The following DPY19L1 variants were observed in gnomAD, a reference collection of about 807,000 sequenced individuals.
The protein encoded by DPY19L1 is dpy-19 like C-mannosyltransferase 1.
In DPY19L1, 35 loss-of-function variants were observed where a neutral mutation model predicts 96.9. The ratio of observed to expected loss-of-function variants is 0.36; its 90% CI spans 0.28 to 0.48. DPY19L1 has a LOEUF of 0.48. Ranked by LOEUF, DPY19L1 falls within the 20% of genes least tolerant of loss-of-function variation. The pLI is 0.99. For missense variants in DPY19L1, 521 were observed against 777.9 expected (o/e 0.67, Z 3.93); for synonymous variants, 205 against 252.6 (o/e 0.81, Z 1.79).
At chr7:34,943,614 A>G (rs1254133361) in intron 16 of DPY19L1, among the ~76,000 whole-genome samples, 1 of 152,308 alleles carries the variant, frequency 6.6e-6, no homozygotes, top group African/African-American at 2.4e-5. Context: ...TTTGGTAGCT[A>G]TGCAAAATAA....
At chr7:34,953,311 T>A (rs1163314666) in intron 13 of DPY19L1, among the ~76,000 whole-genome samples, 1 of 152,226 alleles carries the variant, frequency 6.6e-6, no homozygotes, top group Non-Finnish European at 1.5e-5. Flanking sequence ...GCATCTTTTT[T>A]GGCCCTGCAT....
chr7:34,994,733 G>A (rs1785246178), intron 6 of DPY19L1, among the ~76,000 whole-genome samples: 1 of 151,966 alleles, frequency 6.6e-6, no homozygotes, highest in African/African-American at 2.4e-5. Context: ...GAACCCAGGA[G>A]GTGGAGCTTG....
intron 1 of DPY19L1, among the ~76,000 whole-genome samples, chr7:35,031,056 C>T (rs1786248385): frequency 6.6e-6 from 1 of 152,104 alleles, no homozygotes; most frequent in Non-Finnish European, 1.5e-5. Flanking sequence ...ACTAGCAAAA[C>T]AGGAATTTAG....
intron 6 of DPY19L1, among the ~76,000 whole-genome samples, chr7:34,992,543 CTTTTT>C (rs34687334): frequency 1.5e-5 from 2 of 133,842 alleles, no homozygotes; most frequent in African/African-American, 2.8e-5. Context: ...ACCTTCCTGC[CTTTTT>C]TTTTTTTTTT....
At chr7:34,999,457 T>TA (rs1785371649) in intron 6 of DPY19L1, among the ~76,000 whole-genome samples, 1 of 152,218 alleles carries the variant, frequency 6.6e-6, no homozygotes, top group African/African-American at 2.4e-5. Flanking sequence ...TACCTGAGGA[T>TA]ATGATCCTCA....
intron 7 of DPY19L1, among the ~76,000 whole-genome samples, chr7:34,982,121 T>C (rs1784952099): frequency 6.6e-6 from 1 of 152,084 alleles, no homozygotes; most frequent in South Asian, 2.1e-4. Flanking sequence ...CCAAATAAAA[T>C]GACAACTAAA....
intron 6 of DPY19L1, among the ~76,000 whole-genome samples, chr7:34,992,674 G>A (rs1785198912): frequency 6.6e-6 from 1 of 151,692 alleles, no homozygotes; most frequent in Admixed American, 6.6e-5. Flanking sequence ...AGCCTCCAGA[G>A]TAGCTGAAAC....
intron 1 of DPY19L1, among the ~76,000 whole-genome samples, chr7:35,027,119 G>A (rs141308448): frequency 0.022 from 3,317 of 152,088 alleles, 49 homozygotes; most frequent in Middle Eastern, 0.031. Flanking sequence ...CAGAAGAAAC[G>A]CTTGAATCCA....
At chr7:34,999,008 T>C (rs1198443452) in intron 6 of DPY19L1, among the ~76,000 whole-genome samples, 1 of 152,016 alleles carries the variant, frequency 6.6e-6, no homozygotes, top group African/African-American at 2.4e-5. Context: ...CAATATCCAA[T>C]CACTAACTTT....
At chr7:35,003,201 A>G (rs1023768024) in intron 6 of DPY19L1, among the ~76,000 whole-genome samples, 2 of 152,184 alleles carry the variant, frequency 1.3e-5, no homozygotes, top group African/African-American at 4.8e-5. Context: ...CTCAAGACCT[A>G]CCTACTAGAA....
intron 7 of DPY19L1, among the ~76,000 whole-genome samples, chr7:34,976,775 G>C (rs328895): frequency 0.26 from 38,807 of 152,022 alleles, 5,232 homozygotes; most frequent in Non-Finnish European, 0.31. Flanking sequence ...AGGTTCAGGT[G>C]ATCACTGGCA....
intron 1 of DPY19L1, among the ~76,000 whole-genome samples, chr7:35,033,827 G>A (rs1484686886): frequency 1.3e-5 from 2 of 152,012 alleles, no homozygotes; most frequent in African/African-American, 4.8e-5. Flanking sequence ...GGTCCCAAAT[G>A]ACACAATTTT....
chr7:35,001,131 T>C lies in DPY19L1; in HGVS notation c.764+9337A>G, dbSNP rs1390909821. Among the ~76,000 whole-genome samples, 4 of 152,294 alleles carry C rather than the reference T, an allele frequency of 2.6e-5. No homozygotes were observed. In the East Asian group the frequency reaches 7.7e-4, roughly 29 times the overall value. ...CCATATGGATTAAATGAGTTTCTGATAGTAAAGAGTTTAGAGCCTCGCACA... is the reference window on the plus strand; with the variant it reads ...CCATATGGATTAAATGAGTTTCTGACAGTAAAGAGTTTAGAGCCTCGCACA... On this transcript the variant is annotated intron_variant, in intron 6 of 21. Transcript: ENST00000638088.
chr7:35,028,563 C>T (rs1390970068), intron 1 of DPY19L1, among the ~76,000 whole-genome samples: 1 of 152,100 alleles, frequency 6.6e-6, no homozygotes, highest in African/African-American at 2.4e-5. Flanking sequence ...AATATGAATA[C>T]AAATGTTACC....
intron 6 of DPY19L1, among the ~76,000 whole-genome samples, chr7:34,991,935 T>C (rs1314649046): frequency 2.6e-5 from 4 of 152,364 alleles, no homozygotes; most frequent in South Asian, 2.1e-4. Flanking sequence ...GTCCATTCCA[T>C]ATTACCGGGC....
chr7:34,933,804 CCA>C (rs1783808272), intron 21 of DPY19L1, among the ~76,000 whole-genome samples: 1 of 152,160 alleles, frequency 6.6e-6, no homozygotes, highest in African/African-American at 2.4e-5. Context: ...GGGCCTTCAG[CCA>C]CAGATTGAAG....
At chr7:34,960,702 A>G (rs1236893661) in intron 10 of DPY19L1, among the ~76,000 whole-genome samples, 2 of 152,168 alleles carry the variant, frequency 1.3e-5, no homozygotes, top group Non-Finnish European at 2.9e-5. Context: ...AAATTGTTCT[A>G]TGGCTTCATC....
chr7:34,984,427 C>T (rs1256629636), intron 7 of DPY19L1, among the ~76,000 whole-genome samples: 1 of 152,064 alleles, frequency 6.6e-6, no homozygotes, highest in Admixed American at 6.6e-5. Flanking sequence ...GAAAGAAGGG[C>T]CAATAGGGCT....
Position 34,940,312 on chromosome 7 carries a change from A to G in DPY19L1, c.1705T>C (p.Phe569Leu). ...ATAGCACCAGGATGTACTTTGCAAA[A>G]GAGCCATCCAAATAGCTGAAACCAA... ...ICSRQLFGWL[F>L]CKVHPGAIVF... The change falls in exon 19 of 22, where the codon TTT becomes CTT. Residue 569 changes from phenylalanine (F) to leucine (L), a missense_variant. By Grantham distance (22) the Phe-to-Leu change is conservative (BLOSUM62 0). Coordinates refer to ENST00000638088, the MANE Select transcript of DPY19L1 (RefSeq NM_001366673.1). 6.2e-7 allele frequency: 1 copy of G among 1,607,710 alleles called. No individual in the cohort carries two copies. Among genetic ancestry groups the G allele is most frequent in the Non-Finnish European group, 8.5e-7 (1 of 1,178,596 alleles).
Sources: gnomAD v4.1 joint callset for allele counts (sites outside exome capture counted in the v4.1 genomes callset) on GRCh38, gnomAD v4.1.1 for gene constraint, MANE v1.5 for transcripts, NCBI Gene and HGNC (gene_info 2026-07-23, HGNC 2026-07-21) for gene names.